Variants in EFHC1 observed in about 807,000 individuals in gnomAD.
EFHC1 encodes the protein EF-hand domain-containing protein 1.
A neutral mutation model predicts 69.9 loss-of-function variants in EFHC1; 53 were observed. The ratio of observed to expected loss-of-function variants is 0.76; its 90% CI spans 0.61 to 0.95. EFHC1 has a LOEUF of 0.95. Ranked by LOEUF, EFHC1 falls within the 40% of genes least tolerant of loss-of-function variation. EFHC1 has a pLI of 0.00. For missense variants in EFHC1, 739 were observed against 798.7 expected, an observed-to-expected ratio of 0.93 and a Z score of 0.90; for synonymous variants, 256 against 278.4, an observed-to-expected ratio of 0.92 and a Z score of 0.80.
intron 6 of EFHC1, chr6:52,468,925 C>T: frequency 3.6e-6 from 1 of 278,820 alleles, no homozygotes; most frequent in Non-Finnish European, 6.9e-6. Flanking sequence ...ATGGATGGTA[C>T]TAGGGACTAT....
At chr6:52,463,067 G>A (rs950012476) in intron 5 of EFHC1, among the ~76,000 whole-genome samples, 3 of 151,498 alleles carry the variant, frequency 2.0e-5, no homozygotes, top group Non-Finnish European at 4.4e-5. Flanking sequence ...TCTCTCTGTC[G>A]CCCAGGCTGG....
At chr6:52,444,641 A>G (rs12664275) in intron 3 of EFHC1, among the ~76,000 whole-genome samples, 49,278 of 152,002 alleles carry the variant, frequency 0.32, 8,196 homozygotes, top group Admixed American at 0.46. Context: ...GAGGAAGCCA[A>G]CTTGATCGTG....
chr6:52,487,218 T>C (rs1004188943), intron 9 of EFHC1: 2 of 152,232 alleles, frequency 1.3e-5, no homozygotes, highest in Non-Finnish European at 2.9e-5. Context: ...TGTCATAGTT[T>C]GCTGACCCCT....
At chr6:52,435,512 G>A (rs774072333) in intron 2 of EFHC1, among the ~76,000 whole-genome samples, 15 of 152,128 alleles carry the variant, frequency 9.9e-5, no homozygotes, top group Non-Finnish European at 1.8e-4. Flanking sequence ...ACATTTCTAT[G>A]AGATCACCAC....
At chr6:52,466,287 T>C (rs555564833) in intron 6 of EFHC1, among the ~76,000 whole-genome samples, 42 of 152,328 alleles carry the variant, frequency 2.8e-4, no homozygotes, top group African/African-American at 1.0e-3. Context: ...GCTGCTCCTC[T>C]TGCTTGCAGT....
chr6:52,424,110 A>T lies in EFHC1; in HGVS notation c.228A>T (p.Gln76His). The T allele has an allele frequency of 6.2e-7, 1 of 1,614,020 alleles. No individual in the cohort carries two copies. Among genetic ancestry groups the T allele is most frequent in the Non-Finnish European group, 8.5e-7 (1 of 1,180,000 alleles). Residue 76 changes from glutamine (Q) to histidine (H), a missense_variant, in exon 2 of 11, where the codon CAA becomes CAT. Gln to His is a conservative substitution (Grantham distance 24). Transcript: ENST00000371068. ...ASKAPVLTYGQPKQAPPADFI... is the reference protein window; with the variant it reads ...ASKAPVLTYGHPKQAPPADFI... ...AGGCACCAGTCTTAACTTATGGCCA[A>T]CCTAAACAAGCCCCACCTGCGGATT...
chr6:52,494,906 G>T lies in EFHC1; in HGVS notation c.*2565G>T, dbSNP rs562040290. 4 of 450,910 alleles carry T rather than the reference G, an allele frequency of 8.9e-6. No individual in the cohort carries two copies. Among genetic ancestry groups the T allele is most frequent in the Non-Finnish European group, 1.8e-5 (4 of 224,476 alleles). 27.9% of individuals were successfully genotyped at this position (450,910 alleles called of 1,614,324 possible). On this transcript the variant is annotated 3_prime_UTR_variant, in exon 11 of 11. Transcript: ENST00000371068. ...TTTTTATGGCTGCGTAGTATTCCAT[G>T]GTGTAGATATACTTCATTTAAAAAA...
At chr6:52,478,977 G>A in intron 7 of EFHC1, 60 bp from the exon 8 acceptor site, 1 of 1,537,570 alleles carries the variant, frequency 6.5e-7, no homozygotes, top group East Asian at 2.2e-5. Flanking sequence ...AGGCATTTAA[G>A]TTGGCACATC....
At chr6:52,455,515 G>A (rs187151151) in intron 5 of EFHC1, among the ~76,000 whole-genome samples, 13 of 152,112 alleles carry the variant, frequency 8.5e-5, no homozygotes, top group South Asian at 2.1e-4. Context: ...TTAGCTGGGC[G>A]TGGTGGCGTG....
intron 5 of EFHC1, among the ~76,000 whole-genome samples, chr6:52,454,910 G>A (rs1005510839): frequency 1.3e-5 from 2 of 151,898 alleles, no homozygotes; most frequent in African/African-American, 2.4e-5. Context: ...TGGGCAACGT[G>A]ATGAAACCTC....
rs1766007945 is a variant in EFHC1, at chr6:52,494,782, T to A, written c.*2441T>A. The A allele has an allele frequency of 2.2e-6, 1 of 451,858 alleles. No homozygotes were observed. The highest frequency in any genetic ancestry group is 4.4e-6 in the Non-Finnish European group (1 of 225,118). The allele number at this position is 451,858 out of a possible 1,614,324, so 28.0% of individuals were successfully genotyped here. A position where few individuals can be genotyped will look rare whatever the true frequency, so the allele number is the denominator to read the frequency against. On this transcript the variant is annotated 3_prime_UTR_variant, in exon 11 of 11. Transcript: ENST00000371068. ...TCAATGTTTAGCTCCCACTTAGAAG[T>A]AAGAACATGCAATATTTGGTTTCCT...
Position 52,490,580 on chromosome 6 carries a change from A to G in EFHC1, c.1851+230A>G. The G allele has an allele frequency of 6.6e-6, 4 of 605,266 alleles. No homozygotes were observed. In the South Asian group the frequency reaches 8.1e-5, roughly 12 times the overall value. The allele number at this position is 605,266 out of a possible 1,614,324, so 37.5% of individuals were successfully genotyped here. Reference sequence around the variant, plus strand: ...AAGTGGGCCTGGGGCTGGACAACACAGAGTGGTTAGTAGACCAACATGTCA... The same window carrying G: ...AAGTGGGCCTGGGGCTGGACAACACGGAGTGGTTAGTAGACCAACATGTCA... On this transcript the variant is annotated intron_variant, in intron 10 of 10. Coordinates refer to ENST00000371068, the MANE Select transcript of EFHC1 (RefSeq NM_018100.4).
chr6:52,424,445 T>C (rs1764261659), intron 2 of EFHC1, among the ~76,000 whole-genome samples: 1 of 152,230 alleles, frequency 6.6e-6, no homozygotes, highest in African/African-American at 2.4e-5. Flanking sequence ...TCTGAATTCT[T>C]GAATTTATAT....
chr6:52,449,275 C>T (rs772087496), intron 3 of EFHC1, among the ~76,000 whole-genome samples: 43 of 151,132 alleles, frequency 2.8e-4, no homozygotes, highest in Middle Eastern at 3.4e-3. Context: ...CCCAGCTACT[C>T]GGGGCTGAGG....
At chr6:52,456,399 A>C (rs757641544) in intron 5 of EFHC1, among the ~76,000 whole-genome samples, 3 of 152,244 alleles carry the variant, frequency 2.0e-5, no homozygotes, top group Non-Finnish European at 2.9e-5. Context: ...TTTACAATAG[A>C]TAAAGAAAAT....
chr6:52,454,126 C>T lies in EFHC1; in HGVS notation c.755C>T (p.Thr252Ile), dbSNP rs747450415. 3.1e-6 allele frequency: 5 copies of T among 1,613,846 alleles called. No individual in the cohort carries two copies. The highest frequency in any genetic ancestry group is 1.7e-4 in the Middle Eastern group (1 of 5,920). ...CGATTCTATGCAATCTGGGATGATA[C>T]AGACAGCATGTATGGTGAATGTCGG... is the stretch of plus-strand genomic sequence containing the variant. Reference protein sequence around the residue: ...VLRFYAIWDDTDSMYGECRTY... With the variant: ...VLRFYAIWDDIDSMYGECRTY... Residue 252 changes from threonine to isoleucine, a missense_variant, in exon 5 of 11, where the codon ACA becomes ATA. Coordinates refer to ENST00000371068, the MANE Select transcript of EFHC1 (RefSeq NM_018100.4).
intron 7 of EFHC1, among the ~76,000 whole-genome samples, chr6:52,470,786 T>C (rs562106349): frequency 6.6e-6 from 1 of 152,316 alleles, no homozygotes; most frequent in Non-Finnish European, 1.5e-5. Context: ...GAAAAATTAA[T>C]ACAAAGTTGA....
At chr6:52,486,990 A>T (rs1205668007) in intron 9 of EFHC1, 1 of 152,136 alleles carries the variant, frequency 6.6e-6, no homozygotes, top group Non-Finnish European at 1.5e-5. Context: ...GGGAGCTCAT[A>T]ATCTAGAGCA....
intron 3 of EFHC1, among the ~76,000 whole-genome samples, chr6:52,452,341 C>T (rs1022143169): frequency 5.3e-5 from 8 of 152,062 alleles, no homozygotes; most frequent in Non-Finnish European, 8.8e-5. Flanking sequence ...CTTGCTGTGA[C>T]GCAGGCTGGA....
Sources: allele counts gnomAD v4.1 joint callset (sites outside exome capture counted in the v4.1 genomes callset), GRCh38; gene constraint gnomAD v4.1.1; transcripts MANE v1.5; gene names NCBI Gene and HGNC (gene_info 2026-07-23, HGNC 2026-07-21).